Variants in PTPRK observed in about 807,000 individuals in gnomAD.
The protein encoded by PTPRK is receptor-type tyrosine-protein phosphatase kappa.
PTPRK carries 75 observed loss-of-function variants against 178.0 expected under a neutral mutation model. That is an observed-to-expected ratio of 0.42 (90% CI 0.35 to 0.51). PTPRK has a LOEUF of 0.51. Among genes scored for constraint, PTPRK ranks in the 20% least tolerant of loss-of-function variants. The pLI is 0.02. For synonymous variants in PTPRK, 637 were observed against 620.6 expected (o/e 1.03, Z -0.39); for missense variants, 1,441 against 1,797.8 (o/e 0.80, Z 3.59).
intron 3 of PTPRK, among the ~76,000 whole-genome samples, chr6:128,295,445 T>C (rs1824163092): frequency 6.6e-6 from 1 of 151,594 alleles, no homozygotes; most frequent in African/African-American, 2.4e-5. Flanking sequence ...GGAGGATGGA[T>C]TTTTTTACAT....
chr6:128,404,062 A>G (rs1841362734), intron 1 of PTPRK, among the ~76,000 whole-genome samples: 1 of 152,188 alleles, frequency 6.6e-6, no homozygotes, highest in Admixed American at 6.5e-5. Flanking sequence ...GGTTTAGATC[A>G]CTCTGATCTT....
intron 4 of PTPRK, among the ~76,000 whole-genome samples, chr6:128,241,746 T>C (rs1045605285): frequency 7.9e-5 from 12 of 152,048 alleles, no homozygotes; most frequent in African/African-American, 2.7e-4. Flanking sequence ...CAAAACTGTG[T>C]ATTAATAAAC....
chr6:128,400,687 A>T (rs562732240), intron 1 of PTPRK, among the ~76,000 whole-genome samples: 1 of 152,310 alleles, frequency 6.6e-6, no homozygotes, highest in East Asian at 1.9e-4. Context: ...CCTATTGACC[A>T]TTTAGGACTC....
intron 7 of PTPRK, among the ~76,000 whole-genome samples, chr6:128,152,088 A>C (rs75983815): frequency 0.011 from 1,640 of 152,150 alleles, 29 homozygotes; most frequent in African/African-American, 0.037. Flanking sequence ...TGTAAGTGCC[A>C]CAAGGTCAGG....
At chr6:128,244,731 CTGAAAACCTCTAGTAGGAGGAGG>C (rs1278112681) in intron 3 of PTPRK, among the ~76,000 whole-genome samples, 1 of 152,128 alleles carries the variant, frequency 6.6e-6, no homozygotes, top group African/African-American at 2.4e-5. Flanking sequence ...TTAGTACAGA[CTGAAAACCTCTAGTAGGAGGAGG>C]TGAAAACCTC....
intron 1 of PTPRK, among the ~76,000 whole-genome samples, chr6:128,456,320 A>G (rs1848390774): frequency 6.6e-6 from 1 of 152,106 alleles, no homozygotes; most frequent in African/African-American, 2.4e-5. Flanking sequence ...ATGCACTTGA[A>G]TATGAGGCCA....
chr6:128,227,571 T>A (rs184603465), intron 5 of PTPRK, among the ~76,000 whole-genome samples: 2 of 152,104 alleles, frequency 1.3e-5, no homozygotes, highest in African/African-American at 4.8e-5. Flanking sequence ...ATTTTAAAAC[T>A]TCAGGAAAAC....
intron 1 of PTPRK, among the ~76,000 whole-genome samples, chr6:128,452,490 G>A (rs543203237): frequency 4.6e-5 from 7 of 152,028 alleles, no homozygotes; most frequent in East Asian, 1.9e-4. Context: ...AGCTTCAATC[G>A]CTGGGGAAAA....
At chr6:128,010,417 T>A (rs191782421) in intron 13 of PTPRK, among the ~76,000 whole-genome samples, 2 of 151,322 alleles carry the variant, frequency 1.3e-5, no homozygotes, top group Admixed American at 1.3e-4. Context: ...AATCTGTTAA[T>A]CAGCTCTTAA....
intron 7 of PTPRK, among the ~76,000 whole-genome samples, chr6:128,157,299 GGAAA>G (rs1453941051): frequency 6.6e-6 from 1 of 151,714 alleles, no homozygotes; most frequent in Non-Finnish European, 1.5e-5. Context: ...TTCTTAAATG[GGAAA>G]GATACTTTAA....
intron 11 of PTPRK, among the ~76,000 whole-genome samples, chr6:128,075,480 G>A (rs1018296761): frequency 2.0e-5 from 3 of 151,928 alleles, no homozygotes; most frequent in Admixed American, 6.6e-5. Context: ...TGTGACCTTT[G>A]GCCATGCTCA....
intron 2 of PTPRK, among the ~76,000 whole-genome samples, chr6:128,396,578 T>G (rs1369020899): frequency 6.6e-6 from 1 of 152,096 alleles, no homozygotes; most frequent in African/African-American, 2.4e-5. Context: ...TGAAATGGTA[T>G]GTAAATATTG....
At position 128,132,799 on chromosome 6, in the gene PTPRK, A is replaced by G. The variant is rs545190541; in HGVS notation, c.1163-42807T>C. Among the ~76,000 whole-genome samples, 6 of 152,364 alleles carry G rather than the reference A, an allele frequency of 3.9e-5. No individual in the cohort carries two copies. In the East Asian group the frequency reaches 9.6e-4, roughly 24 times the overall value. ...GATAAAACGGCAAAAACTAATGGATATGACAAACCATCCTTCATGTCCTTT... is the reference window on the plus strand; with the variant it reads ...GATAAAACGGCAAAAACTAATGGATGTGACAAACCATCCTTCATGTCCTTT... On this transcript the variant is annotated intron_variant, in intron 7 of 29. Coordinates refer to ENST00000368226, the MANE Select transcript of PTPRK (RefSeq NM_002844.4).
At chr6:127,999,642 G>T (rs535092884) in intron 15 of PTPRK, among the ~76,000 whole-genome samples, 2 of 152,112 alleles carry the variant, frequency 1.3e-5, no homozygotes, top group East Asian at 3.9e-4. Flanking sequence ...GCCCCTCCAG[G>T]TTGAGTTACA....
intron 3 of PTPRK, among the ~76,000 whole-genome samples, chr6:128,304,625 A>G (rs541853688): frequency 6.6e-6 from 1 of 152,340 alleles, no homozygotes; most frequent in South Asian, 2.1e-4. Context: ...AAATTAAAAC[A>G]TATATAACTC....
chr6:128,262,748 TA>T (rs1818354864), intron 3 of PTPRK, among the ~76,000 whole-genome samples: 1 of 150,454 alleles, frequency 6.6e-6, no homozygotes, highest in Non-Finnish European at 1.5e-5. Flanking sequence ...TTTTGTGAAA[TA>T]AATTTTGTAA....
At chr6:128,321,748 T>A (rs1828819196) in intron 3 of PTPRK, 1 of 687,320 alleles carries the variant, frequency 1.5e-6, no homozygotes, top group East Asian at 2.7e-5. Context: ...CCAACAAATT[T>A]TGGACCTAAA....
At chr6:128,284,851 T>C (rs1822212470) in intron 3 of PTPRK, among the ~76,000 whole-genome samples, 1 of 152,180 alleles carries the variant, frequency 6.6e-6, no homozygotes, top group South Asian at 2.1e-4. Context: ...CTGGGAAGTA[T>C]GTGGGGTCTG....
At chr6:128,021,846 C>T (rs1414621841) in intron 13 of PTPRK, among the ~76,000 whole-genome samples, 1 of 152,156 alleles carries the variant, frequency 6.6e-6, no homozygotes, top group East Asian at 1.9e-4. Flanking sequence ...GGGGAAGTTA[C>T]ATAACTTGAA....
Sources: gnomAD v4.1 joint callset for allele counts (sites outside exome capture counted in the v4.1 genomes callset) on GRCh38, gnomAD v4.1.1 for gene constraint, MANE v1.5 for transcripts, NCBI Gene and HGNC (gene_info 2026-07-23, HGNC 2026-07-21) for gene names.